Variants in UBE2K observed in about 807,000 individuals in gnomAD.
The protein encoded by UBE2K is ubiquitin-conjugating enzyme E2 K.
Under a neutral mutation model 30.0 loss-of-function variants are expected in UBE2K, and 6 were observed. The ratio of observed to expected loss-of-function variants is 0.20; its 90% CI spans 0.11 to 0.39. The LOEUF is 0.39. UBE2K is among the 10% of genes least tolerant of loss of function. The pLI is 1.00. For missense variants in UBE2K, 61 were observed against 241.6 expected (o/e 0.25, Z 4.96); for synonymous variants, 86 against 83.7 (o/e 1.03, Z -0.15).
chr4:39,772,415 A>G (rs1472693050), intron 4 of UBE2K, among the ~76,000 whole-genome samples: 1 of 145,812 alleles, frequency 6.9e-6, no homozygotes, highest in Non-Finnish European at 1.5e-5. Context: ...AAAAAAAAAA[A>G]TTGTTTTTAA....
intron 1 of UBE2K, among the ~76,000 whole-genome samples, chr4:39,721,262 G>A (rs1719405180): frequency 6.6e-6 from 1 of 152,188 alleles, no homozygotes; most frequent in African/African-American, 2.4e-5. Context: ...AGAGGGTAGA[G>A]GGGCAAGAAT....
intron 4 of UBE2K, among the ~76,000 whole-genome samples, chr4:39,772,729 C>T (rs1712983158): frequency 6.6e-6 from 1 of 151,240 alleles, no homozygotes; most frequent in African/African-American, 2.4e-5. Flanking sequence ...GCTCTGTCGC[C>T]CAGGCTAGAG....
At chr4:39,714,762 G>A (rs1258963747) in intron 1 of UBE2K, among the ~76,000 whole-genome samples, 1 of 150,522 alleles carries the variant, frequency 6.6e-6, no homozygotes, top group Non-Finnish European at 1.5e-5. Context: ...TGTTGGCCAG[G>A]ATGGTCTCGA....
intron 1 of UBE2K, among the ~76,000 whole-genome samples, chr4:39,722,475 GCT>G (rs1719478091): frequency 6.6e-6 from 1 of 152,148 alleles, no homozygotes; most frequent in Admixed American, 6.6e-5. Flanking sequence ...TACATTTTAT[GCT>G]CTTTGCAATT....
intron 4 of UBE2K, among the ~76,000 whole-genome samples, chr4:39,763,886 C>T (rs1028626530): frequency 4.6e-5 from 7 of 152,070 alleles, no homozygotes; most frequent in African/African-American, 9.7e-5. Flanking sequence ...ACTACAGTCA[C>T]GTGCTACCAC....
intron 3 of UBE2K, among the ~76,000 whole-genome samples, chr4:39,753,251 G>A (rs974243990): frequency 1.3e-5 from 2 of 152,126 alleles, no homozygotes; most frequent in South Asian, 2.1e-4. Flanking sequence ...TTGGCTGGGT[G>A]TGGTGGTGTG....
intron 4 of UBE2K, chr4:39,771,457 C>T (rs1303731317): frequency 1.9e-6 from 3 of 1,567,400 alleles, no homozygotes; most frequent in Non-Finnish European, 2.6e-6. Context: ...GTGGGCAACC[C>T]TGGCCCGGTT....
chr4:39,750,297 G>A (rs189337199), intron 3 of UBE2K, among the ~76,000 whole-genome samples: 1 of 152,350 alleles, frequency 6.6e-6, no homozygotes, highest in African/African-American at 2.4e-5. Context: ...CTACAATGAA[G>A]TGGGAGCTGA....
intron 3 of UBE2K, among the ~76,000 whole-genome samples, chr4:39,755,330 C>T (rs1204378107): frequency 6.6e-6 from 1 of 152,122 alleles, no homozygotes; most frequent in East Asian, 1.9e-4. Flanking sequence ...ATTTTATGTA[C>T]TATTTTATTT....
chr4:39,710,325 G>T (rs1398832852), intron 1 of UBE2K: 1 of 152,080 alleles, frequency 6.6e-6, no homozygotes, highest in African/African-American at 2.4e-5. Context: ...CTGGAGTGCA[G>T]TGGCAGCAGA....
intron 1 of UBE2K, among the ~76,000 whole-genome samples, chr4:39,712,982 C>A (rs1718798868): frequency 1.3e-5 from 2 of 152,048 alleles, no homozygotes; most frequent in South Asian, 4.2e-4. Flanking sequence ...TGTCCTGCCT[C>A]AGCCTGCCAA....
At chr4:39,716,322 G>A (rs975180590) in intron 1 of UBE2K, among the ~76,000 whole-genome samples, 7 of 152,030 alleles carry the variant, frequency 4.6e-5, no homozygotes, top group African/African-American at 9.7e-5. Context: ...CACAGCTCAC[G>A]CCGCAGTCTT....
At chr4:39,733,051 GAAAAAA>G (rs59978380) in intron 1 of UBE2K, among the ~76,000 whole-genome samples, 1 of 97,060 alleles carries the variant, frequency 1.0e-5, no homozygotes, top group Non-Finnish European at 2.0e-5. Flanking sequence ...GGAACATCAG[GAAAAAA>G]AAAAAAAAAA....
At chr4:39,747,964 G>A (rs1721067079) in intron 3 of UBE2K, among the ~76,000 whole-genome samples, 5 of 152,024 alleles carry the variant, frequency 3.3e-5, no homozygotes, top group Admixed American at 6.6e-5. Context: ...ACCAAGCCCA[G>A]CTAATTTTTG....
chr4:39,776,916 A>G (rs761099873), intron 5 of UBE2K, among the ~76,000 whole-genome samples: 3 of 152,132 alleles, frequency 2.0e-5, no homozygotes, highest in African/African-American at 4.8e-5. Context: ...ATAGTTCAAT[A>G]ATTTGACTTA....
At chr4:39,702,182 A>C (rs1369413375) in intron 1 of UBE2K, among the ~76,000 whole-genome samples, 1 of 142,740 alleles carries the variant, frequency 7.0e-6, no homozygotes, top group African/African-American at 2.6e-5. Context: ...TTGGTTTTTC[A>C]TGTTGTAATT....
intron 1 of UBE2K, among the ~76,000 whole-genome samples, chr4:39,710,577 A>AT (rs1198767819): frequency 6.6e-6 from 1 of 151,948 alleles, no homozygotes; most frequent in African/African-American, 2.4e-5. Flanking sequence ...CCTATCTGAC[A>AT]TTTTTTATAT....
At chr4:39,746,363 C>T (rs1255624616) in intron 3 of UBE2K, among the ~76,000 whole-genome samples, 2 of 152,110 alleles carry the variant, frequency 1.3e-5, no homozygotes, top group Non-Finnish European at 2.9e-5. Context: ...GGGGACCCAA[C>T]CTAAACTTAT....
At chr4:39,765,822 A>T (rs1342415831) in intron 4 of UBE2K, among the ~76,000 whole-genome samples, 1 of 149,724 alleles carries the variant, frequency 6.7e-6, no homozygotes, top group Non-Finnish European at 1.5e-5. Flanking sequence ...TAAATAAGTA[A>T]GTAGGCTGGG....
Sources: gnomAD v4.1 joint callset for allele counts (sites outside exome capture counted in the v4.1 genomes callset) on GRCh38, gnomAD v4.1.1 for gene constraint, MANE v1.5 for transcripts, NCBI Gene and HGNC (gene_info 2026-07-23, HGNC 2026-07-21) for gene names.